Variants in CCDC81 observed in about 807,000 individuals in gnomAD.
CCDC81 encodes coiled-coil domain-containing protein 81.
In CCDC81, 79 loss-of-function variants were observed where a neutral mutation model predicts 83.7. That is an observed-to-expected ratio of 0.94 (90% CI 0.79 to 1.14). CCDC81 has a LOEUF of 1.14. Ranked by LOEUF, CCDC81 falls within the 50% of genes most tolerant of loss-of-function variation. The probability of loss-of-function intolerance (pLI) is 0.00; values close to 1 mark genes in which losing one functional copy is unlikely to be tolerated. For synonymous variants in CCDC81, 252 were observed against 278.1 expected, an observed-to-expected ratio of 0.91 and a Z score of 0.93; for missense variants, 791 against 778.1, an observed-to-expected ratio of 1.02 and a Z score of -0.20.
intron 1 of CCDC81, among the ~76,000 whole-genome samples, chr11:86,377,666 T>C (rs1056316474): frequency 1.3e-5 from 2 of 152,226 alleles, no homozygotes; most frequent in Admixed American, 1.3e-4. Flanking sequence ...GAGTTATTTG[T>C]ATATTTTGCA....
rs747811942 is a variant in CCDC81, at chr11:86,412,369, G to T, written c.1219-18G>T. ...TTCAGTACTCTAGCATAAATGAATT[G>T]CTTCTCTTTCATTCTAGAAATCCTT... On this transcript the variant is annotated intron_variant, in intron 10 of 14. Coordinates refer to ENST00000445632, the MANE Select transcript of CCDC81 (RefSeq NM_001156474.2). The T allele has an allele frequency of 3.0e-5, 46 of 1,552,870 alleles. No homozygotes were observed. The Middle Eastern group carries it at 8.7e-4, about 29-fold the overall frequency.
rs117035469 is a variant in CCDC81, at chr11:86,405,114, A to G, written c.882-2500A>G. Among the ~76,000 whole-genome samples the G allele has an allele frequency of 6.4e-3, 973 of 152,236 alleles. 3 individuals are homozygous for G. Among genetic ancestry groups the G allele is most frequent in the Non-Finnish European group, 0.011 (770 of 67,996 alleles). On this transcript the variant is annotated intron_variant, in intron 7 of 14. Coordinates refer to ENST00000445632, the MANE Select transcript of CCDC81 (RefSeq NM_001156474.2). ...TAAATCCTCACTATTTTTTTCTTTG[A>G]GAGAGATATTAAAAATCTTTCACCA...
intron 1 of CCDC81, among the ~76,000 whole-genome samples, chr11:86,377,198 A>G (rs1180891993): frequency 5.3e-5 from 8 of 151,286 alleles, no homozygotes; most frequent in African/African-American, 1.9e-4. Context: ...CTGTCCACCC[A>G]CTGAAAAATG....
At position 86,422,569 on chromosome 11, in the gene CCDC81, C is replaced by T. The variant is rs1033801261; in HGVS notation, c.1818-5C>T. On this transcript the variant is annotated splice_polypyrimidine_tract_variant and splice_region_variant and intron_variant, in intron 14 of 14. Transcript: ENST00000445632. ...GCTGATCGGCATTTGCTCTCCTCTC[C>T]TCAGGGCTTCAGACAAGCTGTTTCT... is the stretch of plus-strand genomic sequence containing the variant. 6.2e-7 allele frequency: 1 copy of T among 1,612,888 alleles called. No individual in the cohort carries two copies. Among genetic ancestry groups the T allele is most frequent in the Non-Finnish European group, 8.5e-7 (1 of 1,179,208 alleles).
At chr11:86,398,489 T>C (rs1948439404) in intron 6 of CCDC81, among the ~76,000 whole-genome samples, 1 of 152,212 alleles carries the variant, frequency 6.6e-6, no homozygotes, top group Non-Finnish European at 1.5e-5. Context: ...ATAGGTTGTT[T>C]TGGTGGAAGC....
At chr11:86,420,115 G>C (rs1239087813) in intron 14 of CCDC81, 62 bp downstream of exon 14, 1 of 1,576,894 alleles carries the variant, frequency 6.3e-7, no homozygotes, top group Non-Finnish European at 8.6e-7. Flanking sequence ...CAGGTTTCAA[G>C]TGGAACTCCA....
At chr11:86,404,366 T>C (rs1948536601) in intron 7 of CCDC81, among the ~76,000 whole-genome samples, 1 of 152,214 alleles carries the variant, frequency 6.6e-6, no homozygotes, top group African/African-American at 2.4e-5. Context: ...TGCCCATCCA[T>C]TTGCATATTA....
chr11:86,392,770 TG>T lies in CCDC81; in HGVS notation c.532del (p.Ala178LeufsTer6), dbSNP rs1948351389. The part of the protein sequence containing the change: ...KDFLCTMDGS[G>X]ALAKALANRP... The stretch of plus-strand genomic sequence containing the variant: ...ACTTCCTTTGTACCATGGATGGAAG[TG>T]GGGCTTTGGCAAAGGCCCTAGCAAA... On this transcript the variant is annotated frameshift_variant, in exon 4 of 15. Coordinates refer to ENST00000445632, the MANE Select transcript of CCDC81 (RefSeq NM_001156474.2). LOFTEE classifies it high-confidence loss of function. The T allele has an allele frequency of 2.6e-6, 4 of 1,551,360 alleles. No homozygotes were observed. Among genetic ancestry groups the T allele is most frequent in the Admixed American group, 2.0e-5 (1 of 50,956 alleles).
chr11:86,404,353 C>G (rs1225838570), intron 7 of CCDC81, among the ~76,000 whole-genome samples: 2 of 152,192 alleles, frequency 1.3e-5, no homozygotes, highest in Non-Finnish European at 2.9e-5. Flanking sequence ...CGAAACACTG[C>G]TATGCCCATC....
At chr11:86,382,156 T>C (rs955887442) in intron 1 of CCDC81, among the ~76,000 whole-genome samples, 1 of 152,148 alleles carries the variant, frequency 6.6e-6, no homozygotes, top group African/African-American at 2.4e-5. Context: ...CCATTAAGTG[T>C]TTTGAGCTGG....
chr11:86,410,679 T>G (rs1055988053), intron 10 of CCDC81, among the ~76,000 whole-genome samples: 13 of 152,348 alleles, frequency 8.5e-5, no homozygotes, highest in Non-Finnish European at 1.8e-4. Flanking sequence ...CTTTGATATA[T>G]CTATACACAT....
intron 1 of CCDC81, among the ~76,000 whole-genome samples, chr11:86,377,274 TA>T (rs1948110226): frequency 6.6e-6 from 1 of 152,180 alleles, no homozygotes; most frequent in Admixed American, 6.5e-5. Context: ...GTGCAGGTTT[TA>T]AAAAACTGGA....
chr11:86,380,147 A>T (rs1175834172), intron 1 of CCDC81, among the ~76,000 whole-genome samples: 1 of 151,372 alleles, frequency 6.6e-6, no homozygotes, highest in East Asian at 1.9e-4. Flanking sequence ...TTTACTGGCA[A>T]TTAATTCCCT....
intron 1 of CCDC81, among the ~76,000 whole-genome samples, chr11:86,385,395 A>G (rs897311899): frequency 1.3e-5 from 2 of 152,202 alleles, no homozygotes; most frequent in Non-Finnish European, 2.9e-5. Context: ...AAAAAAAAAA[A>G]AGTTATTTTA....
chr11:86,382,561 T>C (rs1313189829), intron 1 of CCDC81, among the ~76,000 whole-genome samples: 3 of 152,120 alleles, frequency 2.0e-5, no homozygotes, highest in East Asian at 1.9e-4. Flanking sequence ...TTTTGTGATA[T>C]ATAAGCAGGC....
intron 11 of CCDC81, among the ~76,000 whole-genome samples, chr11:86,413,879 A>C (rs892304508): frequency 6.6e-6 from 1 of 152,192 alleles, no homozygotes; most frequent in Non-Finnish European, 1.5e-5. Context: ...CATATGCCTA[A>C]GGGGGCCCAC....
chr11:86,395,088 C>G, intron 4 of CCDC81: 1 of 330,518 alleles, frequency 3.0e-6, no homozygotes, highest in Non-Finnish European at 5.5e-6. Context: ...GAAGGCAATT[C>G]CCTAAAAGGA....
Position 86,407,670 on chromosome 11 carries a change from C to A in CCDC81, c.938C>A (p.Pro313Gln). The A allele has an allele frequency of 6.2e-7, 1 of 1,613,710 alleles. No homozygotes were observed. The change falls in exon 8 of 15, where the codon CCA becomes CAA. Residue 313 changes from proline to glutamine, a missense_variant. Coordinates refer to ENST00000445632, the MANE Select transcript of CCDC81 (RefSeq NM_001156474.2). ...AGTGAGATGAAGCCCCAAACATCTC[C>A]AGCTTGCCAGGATCATAACAAGGCA... The part of the protein sequence containing the change: ...HDSEMKPQTS[P>Q]ACQDHNKAGQ...
chr11:86,406,661 C>G (rs564829467), intron 7 of CCDC81, among the ~76,000 whole-genome samples: 1 of 152,006 alleles, frequency 6.6e-6, no homozygotes, highest in East Asian at 1.9e-4. Flanking sequence ...AAAAATTAGC[C>G]CAGCATGGTG....
Sources: allele counts gnomAD v4.1 joint callset (sites outside exome capture counted in the v4.1 genomes callset), GRCh38; gene constraint gnomAD v4.1.1; transcripts MANE v1.5; gene names NCBI Gene and HGNC (gene_info 2026-07-23, HGNC 2026-07-21).